Variants in DTNB observed in about 807,000 individuals in gnomAD.
DTNB encodes DTN-B.
In DTNB, 63 loss-of-function variants were observed where a neutral mutation model predicts 90.7. That is an observed-to-expected ratio of 0.69 (90% CI 0.57 to 0.86). The LOEUF is 0.86. Among genes scored for constraint, DTNB ranks in the 40% least tolerant of loss-of-function variants. The pLI, the probability that DTNB is intolerant of heterozygous loss-of-function variation, is 0.00. For synonymous variants in DTNB, 277 were observed against 286.7 expected (o/e 0.97, Z 0.34); for missense variants, 744 against 807.1 (o/e 0.92, Z 0.95).
chr2:25,581,470 C>T (rs1368642190), intron 6 of DTNB, among the ~76,000 whole-genome samples: 1 of 152,142 alleles, frequency 6.6e-6, no homozygotes, highest in Non-Finnish European at 1.5e-5. Context: ...CCTACATGTC[C>T]AAATGCCCAT....
chr2:25,450,076 A>C (rs568310582), intron 12 of DTNB, among the ~76,000 whole-genome samples: 17 of 152,316 alleles, frequency 1.1e-4, no homozygotes, highest in African/African-American at 4.1e-4. Context: ...ATCAATTTTT[A>C]AAATGGTTTG....
At chr2:25,443,082 T>C (rs1294973081) in intron 12 of DTNB, among the ~76,000 whole-genome samples, 1 of 152,124 alleles carries the variant, frequency 6.6e-6, no homozygotes, top group East Asian at 1.9e-4. Context: ...CATCTAAAAA[T>C]TAAACAATAA....
At chr2:25,390,781 C>T (rs2040874401) in intron 16 of DTNB, among the ~76,000 whole-genome samples, 1 of 151,848 alleles carries the variant, frequency 6.6e-6, no homozygotes, top group South Asian at 2.1e-4. Context: ...CATTAAAAAA[C>T]ATATGAACAA....
At chr2:25,412,614 G>A (rs962458534) in intron 16 of DTNB, among the ~76,000 whole-genome samples, 1 of 152,136 alleles carries the variant, frequency 6.6e-6, no homozygotes, top group African/African-American at 2.4e-5. Flanking sequence ...AAGTCTTTAA[G>A]CCAGATGATC....
intron 8 of DTNB, among the ~76,000 whole-genome samples, chr2:25,572,115 T>G (rs1242156517): frequency 1.3e-5 from 2 of 152,184 alleles, no homozygotes; most frequent in Non-Finnish European, 2.9e-5. Flanking sequence ...TGGCACAGTC[T>G]TCTTCATAAG....
chr2:25,528,587 T>C lies in DTNB; in HGVS notation c.1001+2886A>G, dbSNP rs145893862. ...GAACAATTTAAGCAAGATAACTACATAGACAGTGGACTAAAATACAAAAAC... is the reference window on the plus strand; with the variant it reads ...GAACAATTTAAGCAAGATAACTACACAGACAGTGGACTAAAATACAAAAAC... On this transcript the variant is annotated intron_variant, in intron 9 of 20. Coordinates refer to ENST00000406818, the MANE Select transcript of DTNB (RefSeq NM_021907.5). Among the ~76,000 whole-genome samples the C allele has an allele frequency of 1.4e-3, 209 of 152,316 alleles. 1 individual carries two copies. Among genetic ancestry groups the C allele is most frequent in the Admixed American group, 3.5e-3 (53 of 15,294 alleles).
rs1559297524 is a variant in DTNB at position 25,628,214 on chromosome 2, ATTGT to A, written c.315_318del (p.Glu105AspfsTer10). 2.3e-5 allele frequency: 37 copies of A among 1,613,700 alleles called. No homozygotes were observed. The highest frequency in any genetic ancestry group is 3.0e-5 in the Non-Finnish European group (35 of 1,179,870). On this transcript the variant is annotated frameshift_variant, in exon 4 of 21. Transcript: ENST00000406818. LOFTEE classifies it high-confidence loss of function. ...ATAAAGTTGAGGAGGAGGCTGATAGATTGTTCCACACTAATTTGGTGAGTAGAAG... is the reference window on the plus strand; with the variant it reads ...ATAAAGTTGAGGAGGAGGCTGATAGATCCACACTAATTTGGTGAGTAGAAG...
chr2:25,465,375 C>CAAA (rs34402498), intron 10 of DTNB, among the ~76,000 whole-genome samples: 3 of 140,422 alleles, frequency 2.1e-5, no homozygotes, highest in East Asian at 4.0e-4. Flanking sequence ...GACTCCGTCT[C>CAAA]AAAAAAAAAA....
At chr2:25,533,390 A>G (rs944972439) in intron 8 of DTNB, among the ~76,000 whole-genome samples, 2 of 152,328 alleles carry the variant, frequency 1.3e-5, no homozygotes, top group African/African-American at 4.8e-5. Flanking sequence ...CTGAAAGTAT[A>G]TAAAACGAAA....
intron 10 of DTNB, among the ~76,000 whole-genome samples, chr2:25,479,186 G>T (rs34311155): frequency 0.13 from 19,917 of 152,242 alleles, 1,630 homozygotes; most frequent in Non-Finnish European, 0.18. Context: ...CCACAGAATT[G>T]TTAAGCTTTA....
At position 25,387,224 on chromosome 2, in the gene DTNB, G is replaced by C. The variant is rs1382557463; in HGVS notation, c.1825+65C>G. 2 of 1,516,610 alleles carry C rather than the reference G, an allele frequency of 1.3e-6. No individual in the cohort carries two copies. Among genetic ancestry groups the C allele is most frequent in the East Asian group, 2.3e-5 (1 of 43,846 alleles). The allele number at this position is 1,516,610 out of a possible 1,614,324, so 93.9% of individuals were successfully genotyped here. A position where few individuals can be genotyped will look rare whatever the true frequency, so the allele number is the denominator to read the frequency against. The stretch of plus-strand genomic sequence containing the variant: ...GTGAGGTTCTGCCGGTGCTGGCAAG[G>C]AAGTGAGAAGGGCGCGGGCAAGGCA... On this transcript the variant is annotated intron_variant, in intron 18 of 20. Transcript: ENST00000406818. This position sits in a 1 kb window ranked among gnomAD's most constrained non-coding sequence, Gnocchi z 4.5.
intron 9 of DTNB, among the ~76,000 whole-genome samples, chr2:25,515,898 C>CATCTT (rs2075018704): frequency 6.6e-6 from 1 of 152,046 alleles, no homozygotes; most frequent in African/African-American, 2.4e-5. Context: ...AAGATGTTAA[C>CATCTT]AACAGGGGAA....
At chr2:25,639,632 T>C (rs138704136) in intron 2 of DTNB, among the ~76,000 whole-genome samples, 86 of 151,948 alleles carry the variant, frequency 5.7e-4, no homozygotes, top group African/African-American at 2.1e-3. Flanking sequence ...AACAATATTT[T>C]CAGAACAGTA....
In DTNB at chr2:25,531,576, T is replaced by C; in HGVS notation, c.898A>G (p.Ser300Gly). 6.2e-7 allele frequency: 1 copy of C among 1,613,866 alleles called. No individual in the cohort carries two copies. Among genetic ancestry groups the C allele is most frequent in the Non-Finnish European group, 8.5e-7 (1 of 1,179,852 alleles). ...SSWKSPAKKL[S>G]HAISKSLGCV... ...CCCAAAGATTTACTAATTGCATGGC[T>C]CAGCTTCTTTGCAGGAGATTTCTGT... The change falls in exon 9 of 21, where the codon AGC (serine) becomes GGC (glycine). Residue 300 changes from serine to glycine, a missense_variant. Ser to Gly is a moderately conservative substitution (Grantham distance 56). Coordinates refer to ENST00000406818, the MANE Select transcript of DTNB (RefSeq NM_021907.5).
chr2:25,592,436 G>A (rs1168350984), intron 6 of DTNB, among the ~76,000 whole-genome samples: 3 of 152,152 alleles, frequency 2.0e-5, no homozygotes, highest in South Asian at 4.1e-4. Context: ...ACCAGTATTC[G>A]AAGTCAGTAT....
intron 8 of DTNB, among the ~76,000 whole-genome samples, chr2:25,563,762 A>G (rs1310575695): frequency 1.3e-5 from 2 of 152,248 alleles, no homozygotes; most frequent in African/African-American, 4.8e-5. Flanking sequence ...CGACAACAAC[A>G]AATACAAGGG....
intron 2 of DTNB, among the ~76,000 whole-genome samples, chr2:25,639,968 C>T (rs930571000): frequency 6.6e-6 from 1 of 152,186 alleles, no homozygotes; most frequent in African/African-American, 2.4e-5. Flanking sequence ...GCGAGCGAGC[C>T]TTCAAATGAT....
chr2:25,433,902 G>A lies in DTNB; in HGVS notation c.1343+8C>T, dbSNP rs376084439. 2.4e-4 allele frequency: 389 copies of A among 1,613,322 alleles called. No homozygotes were observed. The highest frequency in any genetic ancestry group is 3.2e-4 in the Non-Finnish European group (377 of 1,179,586). On this transcript the variant is annotated splice_region_variant and intron_variant, in intron 13 of 20. Transcript: ENST00000406818. ...CTCTGGAAGTGGGCTCAGCCTCTGC[G>A]TTCTTACCTGTTTTTGTTTTCCAGT...
At chr2:25,624,653 A>C (rs2073707757) in intron 4 of DTNB, among the ~76,000 whole-genome samples, 2 of 152,196 alleles carry the variant, frequency 1.3e-5, no homozygotes, top group Admixed American at 6.5e-5. Context: ...AAAGGTTGGA[A>C]ATAGAAAGGG....
Sources: allele counts gnomAD v4.1 joint callset (sites outside exome capture counted in the v4.1 genomes callset), GRCh38; gene constraint gnomAD v4.1.1; non-coding constraint Gnocchi (gnomAD v3.1); transcripts MANE v1.5; gene names NCBI Gene and HGNC (gene_info 2026-07-23, HGNC 2026-07-21).